The following PTGIR variants were observed in gnomAD, a reference collection of about 807,000 sequenced individuals.
The protein encoded by PTGIR is prostacyclin receptor.
A neutral mutation model predicts 17.6 loss-of-function variants in PTGIR; 16 were observed. That is an observed-to-expected ratio of 0.91 (90% CI 0.61 to 1.38). The LOEUF is 1.38. Among genes scored for constraint, PTGIR ranks in the 40% most tolerant of loss-of-function variants. The probability of loss-of-function intolerance (pLI) is 0.00; values close to 1 mark genes in which losing one functional copy is unlikely to be tolerated. For missense variants in PTGIR, 532 were observed against 548.6 expected (o/e 0.97, Z 0.30); for synonymous variants, 274 against 255.4 (o/e 1.07, Z -0.69).
intron 1 of PTGIR, 167 bp from the exon 2 acceptor site, chr19:46,624,404 C>T (rs1201371976): frequency 2.0e-6 from 1 of 504,450 alleles, no homozygotes; most frequent in Admixed American, 4.0e-5. Context: ...CTGGCTTCTC[C>T]AGTATCTCTC....
downstream of PTGIR, among the ~76,000 whole-genome samples, chr19:46,619,126 A>C (rs1972002617): frequency 6.6e-6 from 1 of 152,132 alleles, no homozygotes; most frequent in Non-Finnish European, 1.5e-5. Context: ...GCCTGCTCCA[A>C]GCCCACGCCC....
At chr19:46,620,379 G>T, downstream of PTGIR, 1 of 957,716 alleles carries the variant, frequency 1.0e-6, no homozygotes, top group Non-Finnish European at 1.2e-6. Context: ...TGGGATTACA[G>T]GCATGTGCTA....
downstream of PTGIR, among the ~76,000 whole-genome samples, chr19:46,619,578 A>AAAG (rs1568675672): frequency 9.0e-6 from 1 of 110,768 alleles, no homozygotes; most frequent in African/African-American, 3.7e-5. Flanking sequence ...AGAGAGAGAG[A>AAAG]GAGAGAAAGA....
chr19:46,622,227 C>A, intron 2 of PTGIR: 1 of 985,358 alleles, frequency 1.0e-6, no homozygotes, highest in Non-Finnish European at 1.2e-6. Flanking sequence ...AGGGGCAGGA[C>A]GGGGTCCCCG....
rs781027149 is a variant in PTGIR at position 46,621,278 on chromosome 19, T to C, written c.*2A>G. ...CAGAGATCACAGGGTCAGCTTGAAA[T>C]GTCAGCAGAGGGAGCAGGCGACGCT... On this transcript the variant is annotated 3_prime_UTR_variant, in exon 3 of 3. Coordinates refer to ENST00000291294, the MANE Select transcript of PTGIR (RefSeq NM_000960.4). The surrounding 1 kb of genome is among the most constrained non-coding windows in gnomAD (Gnocchi z 4.8). 6.0e-6 allele frequency: 9 copies of C among 1,505,162 alleles called. No individual in the cohort carries two copies. The South Asian group carries it at 9.6e-5, about 16-fold the overall frequency. The allele number at this position is 1,505,162 out of a possible 1,614,324, so 93.2% of individuals were successfully genotyped here.
chr19:46,619,497 AAAAGAAAGAAAG>A (rs1176986063), downstream of PTGIR, among the ~76,000 whole-genome samples: 1,396 of 110,462 alleles, frequency 0.013, 15 homozygotes, highest in Non-Finnish European at 0.018. Flanking sequence ...TCTGTCTCAA[AAAAGAAAGAAAG>A]AAAGAAAGAA....
Position 46,623,857 on chromosome 19 carries a change from G to A in PTGIR, c.369C>T (p.His123=). 2.5e-6 allele frequency: 4 copies of A among 1,610,056 alleles called. No individual in the cohort carries two copies. Among genetic ancestry groups the A allele is most frequent in the South Asian group, 1.1e-5 (1 of 90,688 alleles). The change falls in exon 2 of 3, where the codon CAC becomes CAT. Residue 123 remains histidine, a synonymous_variant. Transcript: ENST00000291294. ...MAVERCLALS[H]PYLYAQLDGP... is the part of the protein sequence containing the mutation. ...CGTCCAGCTGCGCGTAGAGGTAGGG[G>A]TGGCTCAGCGCCAGGCAGCGCTCCA... is the stretch of plus-strand genomic sequence containing the variant.
downstream of PTGIR, among the ~76,000 whole-genome samples, chr19:46,616,161 GCCAAGGCTATGTCAGTCA>G (rs1171723075): frequency 6.6e-6 from 1 of 151,882 alleles, no homozygotes; most frequent in Non-Finnish European, 1.5e-5. Context: ...ACGAGGTAGG[GCCAAGGCTATGTCAGTCA>G]CCACTATATT....
At chr19:46,624,296 C>A in intron 1 of PTGIR, 59 bp from the exon 2 acceptor site, 6 of 1,390,774 alleles carry the variant, frequency 4.3e-6, no homozygotes, top group Non-Finnish European at 5.6e-6. Flanking sequence ...ACCACCCAGC[C>A]CACTCAGATG....
chr19:46,616,105 G>T (rs995124209), downstream of PTGIR, among the ~76,000 whole-genome samples: 3 of 151,894 alleles, frequency 2.0e-5, no homozygotes, highest in African/African-American at 7.3e-5. Context: ...CACGACCTTT[G>T]TAACACATTT....
intron 2 of PTGIR, chr19:46,622,007 C>T (rs1022892556): frequency 5.1e-6 from 5 of 985,432 alleles, no homozygotes; most frequent in South Asian, 4.7e-5. Flanking sequence ...CTGAAACTGC[C>T]GCAGAGCTGC....
In PTGIR at chr19:46,623,824, G is replaced by A; in HGVS notation, c.402C>T (p.Arg134=). The A allele has an allele frequency of 6.2e-7, 1 of 1,607,104 alleles. No homozygotes were observed. The highest frequency in any genetic ancestry group is 8.5e-7 in the Non-Finnish European group (1 of 1,178,206). Residue 134 remains arginine (R), a synonymous_variant, in exon 2 of 3, where the codon CGC becomes CGT. Transcript: ENST00000291294. ...TGGCTGGCAGCGCCAGGCGGGCGCA[G>A]CGGGGCCCGTCCAGCTGCGCGTAGA... The part of the protein sequence containing the change: ...PYLYAQLDGP[R]CARLALPAIY...
At chr19:46,623,401 A>G in intron 2 of PTGIR, 57 bp downstream of exon 2, 1 of 1,451,928 alleles carries the variant, frequency 6.9e-7, no homozygotes, top group Non-Finnish European at 9.1e-7. Context: ...CATGGGCACA[A>G]CCCACAGAGC....
At chr19:46,622,225 G>A (rs1348028974) in intron 2 of PTGIR, 5 of 985,324 alleles carry the variant, frequency 5.1e-6, no homozygotes, top group Non-Finnish European at 6.0e-6. Context: ...GGAGGGGCAG[G>A]ACGGGGTCCC....
downstream of PTGIR, among the ~76,000 whole-genome samples, chr19:46,619,662 G>GAAAAGA (rs375083652): frequency 1.2e-4 from 15 of 128,600 alleles, no homozygotes; most frequent in African/African-American, 3.9e-4. Context: ...AGAAAAGAAA[G>GAAAAGA]AAAGAAAGAA....
chr19:46,623,792 G>A lies in PTGIR; in HGVS notation c.434C>T (p.Ala145Val). Residue 145 changes from alanine (A) to valine (V), a missense_variant, in exon 2 of 3, where the codon GCC (alanine) becomes GTC (valine). Coordinates refer to ENST00000291294, the MANE Select transcript of PTGIR (RefSeq NM_000960.4). ...CAGCGCGCAGAAGAGGACGCAGAAGGCGTAGATGGCTGGCAGCGCCAGGCG... is the reference window on the plus strand; with the variant it reads ...CAGCGCGCAGAAGAGGACGCAGAAGACGTAGATGGCTGGCAGCGCCAGGCG... ...CARLALPAIY[A>V]FCVLFCALPL... The A allele has an allele frequency of 6.2e-7, 1 of 1,608,062 alleles. No homozygotes were observed. The highest frequency in any genetic ancestry group is 1.1e-5 in the South Asian group (1 of 90,710).
chr19:46,613,937 A>G, the PTGIR span, among the ~76,000 whole-genome samples: 1 of 152,160 alleles, frequency 6.6e-6, no homozygotes, highest in Non-Finnish European at 1.5e-5. Context: ...CTTGGGCCCT[A>G]TGTTTTGAAA....
the PTGIR span, among the ~76,000 whole-genome samples, chr19:46,613,827 C>G: frequency 6.6e-6 from 1 of 152,144 alleles, no homozygotes; most frequent in East Asian, 1.9e-4. Flanking sequence ...AGCAGCTGAG[C>G]GGGGTCTCAA....
chr19:46,616,985 A>C (rs1446279291), downstream of PTGIR, among the ~76,000 whole-genome samples: 1 of 152,268 alleles, frequency 6.6e-6, no homozygotes, highest in Middle Eastern at 3.2e-3. Context: ...GAGTGGTTGC[A>C]TCTTCAAGGA....
Sources: allele counts gnomAD v4.1 joint callset (sites outside exome capture counted in the v4.1 genomes callset), GRCh38; gene constraint gnomAD v4.1.1; non-coding constraint Gnocchi (gnomAD v3.1); transcripts MANE v1.5; gene names NCBI Gene and HGNC (gene_info 2026-07-23, HGNC 2026-07-21).